The following NMU variants were observed in gnomAD, a reference collection of about 807,000 sequenced individuals.
NMU encodes the protein neuromedin U.
NMU carries 29 observed loss-of-function variants against 35.4 expected under a neutral mutation model. The observed-to-expected ratio is 0.82, with a 90% CI of 0.61 to 1.12. The LOEUF is 1.12. NMU is among the 50% of genes most tolerant of loss of function. The pLI, the probability that NMU is intolerant of heterozygous loss-of-function variation, is 0.00. For missense variants in NMU, 199 were observed against 206.2 expected, an observed-to-expected ratio of 0.97 and a Z score of 0.21; for synonymous variants, 78 against 81.3, an observed-to-expected ratio of 0.96 and a Z score of 0.22.
intron 3 of NMU, among the ~76,000 whole-genome samples, chr4:55,612,651 A>T (rs1209085168): frequency 6.6e-6 from 1 of 152,222 alleles, no homozygotes; most frequent in East Asian, 1.9e-4. Flanking sequence ...CTTCTTAGAA[A>T]ACAGTTTCTA....
At chr4:55,612,210 C>G (rs925482279) in intron 3 of NMU, among the ~76,000 whole-genome samples, 3 of 152,190 alleles carry the variant, frequency 2.0e-5, no homozygotes, top group South Asian at 2.1e-4. Context: ...TTGGTCAAGA[C>G]AGTGAGACCC....
At chr4:55,632,065 C>T (rs1426565603) in intron 1 of NMU, among the ~76,000 whole-genome samples, 1 of 152,118 alleles carries the variant, frequency 6.6e-6, no homozygotes, top group Non-Finnish European at 1.5e-5. Flanking sequence ...GAATGGGAAA[C>T]TAAATGCCAT....
intron 3 of NMU, among the ~76,000 whole-genome samples, chr4:55,612,260 C>A (rs1481989987): frequency 1.3e-5 from 2 of 152,146 alleles, no homozygotes; most frequent in African/African-American, 4.8e-5. Flanking sequence ...ATTAGCTGGG[C>A]ATGGTGGCAT....
At chr4:55,602,858 TA>T (rs1733480159) in intron 7 of NMU, among the ~76,000 whole-genome samples, 1 of 152,158 alleles carries the variant, frequency 6.6e-6, no homozygotes, top group South Asian at 2.1e-4. Flanking sequence ...ATACTGGCCA[TA>T]AAAATAAATT....
chr4:55,608,544 A>G (rs1733797452), intron 4 of NMU, among the ~76,000 whole-genome samples: 1 of 152,236 alleles, frequency 6.6e-6, no homozygotes, highest in South Asian at 2.1e-4. Flanking sequence ...TTAATAAAGT[A>G]GCTTTAAAAT....
At chr4:55,600,349 C>T (rs1203113156) in intron 8 of NMU, among the ~76,000 whole-genome samples, 173 bp downstream of exon 8, 2 of 152,088 alleles carry the variant, frequency 1.3e-5, no homozygotes, top group Non-Finnish European at 2.9e-5. Context: ...ATCAGAGATA[C>T]TGTGGTATTG....
rs1387829754 is a variant in NMU, at chr4:55,636,233, T to C, written c.-41A>G. On this transcript the variant is annotated 5_prime_UTR_variant, in exon 1 of 10. Coordinates refer to ENST00000264218, the MANE Select transcript of NMU (RefSeq NM_006681.4). This position sits in a 1 kb window ranked among gnomAD's most constrained non-coding sequence, Gnocchi z 4.0. Reference sequence around the variant, plus strand: ...AGGCTCGGTGCTAGGGACGCTGCGCTGCGCCACGCGTAGCTGGTGCTCCAC... The same window carrying C: ...AGGCTCGGTGCTAGGGACGCTGCGCCGCGCCACGCGTAGCTGGTGCTCCAC... 4 of 1,426,904 alleles carry C rather than the reference T, an allele frequency of 2.8e-6. No individual in the cohort carries two copies. Among genetic ancestry groups the C allele is most frequent in the East Asian group, 2.8e-5 (1 of 36,228 alleles). 88.4% of individuals were successfully genotyped at this position (1,426,904 alleles called of 1,614,324 possible).
intron 2 of NMU, among the ~76,000 whole-genome samples, chr4:55,618,565 CTTTCTTTCT>C (rs1406036636): frequency 2.0e-5 from 3 of 151,946 alleles, no homozygotes; most frequent in African/African-American, 7.2e-5. Context: ...TCTTAACTTC[CTTTCTTTCT>C]TTTCTTTCTT....
intron 6 of NMU, among the ~76,000 whole-genome samples, 186 bp from the exon 7 acceptor site, chr4:55,605,535 G>A (rs1326588175): frequency 3.9e-5 from 6 of 152,216 alleles, no homozygotes. Flanking sequence ...AAACCAAGAG[G>A]TGGGATAAAA....
chr4:55,632,494 GACA>G (rs139455726), intron 1 of NMU, among the ~76,000 whole-genome samples: 8,178 of 152,128 alleles, frequency 0.054, 251 homozygotes, highest in South Asian at 0.16. Context: ...CCTTTCATGG[GACA>G]ACTATTCAAA....
chr4:55,633,797 A>C (rs955139448), intron 1 of NMU, among the ~76,000 whole-genome samples: 2 of 152,236 alleles, frequency 1.3e-5, no homozygotes, highest in South Asian at 2.1e-4. Context: ...GAATTATTCT[A>C]TGAGCAAGAG....
At chr4:55,618,674 CCTTTCTTCTCT>C (rs768923179) in intron 2 of NMU, among the ~76,000 whole-genome samples, 3 of 141,982 alleles carry the variant, frequency 2.1e-5, no homozygotes, top group African/African-American at 8.1e-5. Flanking sequence ...TCTCTCTCTT[CCTTTCTTCTCT>C]CTTTCTTCTC....
chr4:55,634,436 C>T (rs1273123195), intron 1 of NMU, among the ~76,000 whole-genome samples: 1 of 152,090 alleles, frequency 6.6e-6, no homozygotes, highest in Admixed American at 6.6e-5. Context: ...GGTATGTCAG[C>T]AGATATGCTC....
At chr4:55,632,685 TTC>T (rs1296828247) in intron 1 of NMU, among the ~76,000 whole-genome samples, 1 of 152,180 alleles carries the variant, frequency 6.6e-6, no homozygotes, top group African/African-American at 2.4e-5. Context: ...CTAAATGAGA[TTC>T]TGTTTGACAC....
intron 2 of NMU, among the ~76,000 whole-genome samples, chr4:55,626,177 C>G (rs62308708): frequency 0.15 from 22,915 of 152,224 alleles, 2,119 homozygotes; most frequent in South Asian, 0.23. Flanking sequence ...TTTTGCTAGT[C>G]TAATAGGTAG....
In NMU at chr4:55,624,163, C is replaced by A. The variant is rs1166153611; in HGVS notation, c.171+6239G>T. ...CAATGGCAACAAAAGCCAAAATTGA[C>A]AAATGGGATCTAATTAAACTAAAGA... is the stretch of plus-strand genomic sequence containing the variant. On this transcript the variant is annotated intron_variant, in intron 2 of 9. Transcript: ENST00000264218. Among the ~76,000 whole-genome samples, 3 of 149,630 alleles carry A rather than the reference C, an allele frequency of 2.0e-5. No homozygotes were observed. The East Asian group carries it at 5.9e-4, about 30-fold the overall frequency.
intron 2 of NMU, among the ~76,000 whole-genome samples, chr4:55,617,274 A>AC (rs1220984383): frequency 6.6e-6 from 1 of 152,186 alleles, no homozygotes; most frequent in African/African-American, 2.4e-5. Flanking sequence ...TTCCAAGTTG[A>AC]ACATGTCCTA....
At chr4:55,628,973 T>C (rs958345356) in intron 2 of NMU, among the ~76,000 whole-genome samples, 2 of 152,206 alleles carry the variant, frequency 1.3e-5, no homozygotes, top group African/African-American at 2.4e-5. Context: ...TGAGTTATAA[T>C]GTTTTTATTT....
chr4:55,627,670 C>T (rs925065308), intron 2 of NMU, among the ~76,000 whole-genome samples: 2 of 152,046 alleles, frequency 1.3e-5, no homozygotes, highest in Admixed American at 6.6e-5. Flanking sequence ...TGTACTTTTA[C>T]GTTACTTTTG....
Sources: gnomAD v4.1 joint callset for allele counts (sites outside exome capture counted in the v4.1 genomes callset) on GRCh38, gnomAD v4.1.1 for gene constraint, Gnocchi (gnomAD v3.1) non-coding constraint, MANE v1.5 for transcripts, NCBI Gene and HGNC (gene_info 2026-07-23, HGNC 2026-07-21) for gene names.